Variants in IFT80 observed in about 807,000 individuals in gnomAD.
The protein encoded by IFT80 is intraflagellar transport 80.
A neutral mutation model predicts 107.9 loss-of-function variants in IFT80; 79 were observed. The ratio of observed to expected loss-of-function variants is 0.73; its 90% confidence interval spans 0.61 to 0.88. The LOEUF is 0.88. IFT80 is among the 40% of genes least tolerant of loss of function. IFT80 has a pLI of 0.00. For synonymous variants in IFT80, 299 were observed against 300.9 expected, an observed-to-expected ratio of 0.99 and a Z score of 0.07; for missense variants, 797 against 914.2, an observed-to-expected ratio of 0.87 and a Z score of 1.65.
intron 1 of IFT80, among the ~76,000 whole-genome samples, chr3:160,388,483 T>A (rs1479795283): frequency 6.6e-6 from 1 of 151,070 alleles, no homozygotes; most frequent in Non-Finnish European, 1.5e-5. Context: ...CTAAGGAAAA[T>A]ACATCATGAC....
chr3:160,258,480 G>T lies in IFT80; in HGVS notation c.*45C>A. ...AAACATGCTTACCCTTGGTTAATCA[G>T]AACGTGTTTCAAAAGATAAAATTTC... is the stretch of plus-strand genomic sequence containing the variant. On this transcript the variant is annotated 3_prime_UTR_variant, in exon 20 of 20. Transcript: ENST00000326448. 6.2e-7 allele frequency: 1 copy of T among 1,611,974 alleles called. No individual in the cohort carries two copies. Among genetic ancestry groups the T allele is most frequent in the Non-Finnish European group, 8.5e-7 (1 of 1,179,446 alleles).
intron 9 of IFT80, among the ~76,000 whole-genome samples, chr3:160,310,326 T>G (rs1391166039): frequency 6.6e-6 from 1 of 152,116 alleles, no homozygotes; most frequent in Non-Finnish European, 1.5e-5. Context: ...CCACGATGGG[T>G]TGAAACACAC....
At position 160,268,398 on chromosome 3, in the gene IFT80, T is replaced by C. The variant is rs769856006; in HGVS notation, c.2223+15A>G. The C allele has an allele frequency of 1.1e-5, 17 of 1,603,226 alleles. No homozygotes were observed. In the Middle Eastern group the frequency reaches 5.0e-4, roughly 47 times the overall value. On this transcript the variant is annotated intron_variant, in intron 19 of 19. Coordinates refer to ENST00000326448, the MANE Select transcript of IFT80 (RefSeq NM_020800.3). ...AAAGCATATGTATTATTATACAAAATTGTGAAATACTTACACCTTCTGCAT... is the reference window on the plus strand; with the variant it reads ...AAAGCATATGTATTATTATACAAAACTGTGAAATACTTACACCTTCTGCAT...
At chr3:160,360,333 C>T (rs372171167) in intron 6 of IFT80, among the ~76,000 whole-genome samples, 1 of 152,128 alleles carries the variant, frequency 6.6e-6, no homozygotes, top group Non-Finnish European at 1.5e-5. Context: ...ACGAACAAAG[C>T]CTCCAAGAAA....
chr3:160,370,316 A>G (rs1722145226), intron 5 of IFT80, among the ~76,000 whole-genome samples: 1 of 152,110 alleles, frequency 6.6e-6, no homozygotes, highest in South Asian at 2.1e-4. Context: ...AACTACTACA[A>G]ATTATTTTGT....
chr3:160,274,136 T>C (rs1365908839), intron 18 of IFT80, among the ~76,000 whole-genome samples: 2 of 151,844 alleles, frequency 1.3e-5, no homozygotes, highest in African/African-American at 4.8e-5. Context: ...TAGAGACACA[T>C]GATATAAGCC....
chr3:160,373,906 T>C (rs1208139360), intron 5 of IFT80, among the ~76,000 whole-genome samples: 1 of 152,186 alleles, frequency 6.6e-6, no homozygotes, highest in Non-Finnish European at 1.5e-5. Context: ...CATCTCCTGC[T>C]GTACTGCCCA....
intron 10 of IFT80, among the ~76,000 whole-genome samples, chr3:160,304,976 T>A (rs1474237325): frequency 6.6e-6 from 1 of 152,170 alleles, no homozygotes; most frequent in Non-Finnish European, 1.5e-5. Context: ...AAATACTATA[T>A]AAATGTAAGC....
At chr3:160,337,189 C>A (rs528494091) in intron 8 of IFT80, among the ~76,000 whole-genome samples, 3 of 152,182 alleles carry the variant, frequency 2.0e-5, no homozygotes, top group Non-Finnish European at 4.4e-5. Flanking sequence ...ATAAAATGCT[C>A]ACAATCAGTC....
intron 10 of IFT80, among the ~76,000 whole-genome samples, chr3:160,305,841 C>T (rs1260209962): frequency 1.3e-5 from 2 of 152,020 alleles, no homozygotes; most frequent in African/African-American, 2.4e-5. Flanking sequence ...TCCCTGCTTT[C>T]CTTTAGTAAC....
chr3:160,383,389 C>T, intron 2 of IFT80: 1 of 819,230 alleles, frequency 1.2e-6, no homozygotes, highest in Non-Finnish European at 1.5e-6. Context: ...TACATCTTCA[C>T]TTAATAGTTA....
Position 160,307,657 on chromosome 3 carries a change from G to A in IFT80, c.1076+6C>T, listed in dbSNP as rs1478232526. ...TCTGAAATTTTAAGAAATGCAAGATGCTTACGAGAACACGTAACATTGAAG... is the reference window on the plus strand; with the variant it reads ...TCTGAAATTTTAAGAAATGCAAGATACTTACGAGAACACGTAACATTGAAG... On this transcript the variant is annotated splice_donor_region_variant and intron_variant, in intron 10 of 19. Transcript: ENST00000326448. 1.5e-6 allele frequency: 2 copies of A among 1,376,722 alleles called. No individual in the cohort carries two copies. Among genetic ancestry groups the A allele is most frequent in the Non-Finnish European group, 2.1e-6 (2 of 964,256 alleles). 85.3% of individuals were successfully genotyped at this position (1,376,722 alleles called of 1,614,324 possible).
intron 14 of IFT80, among the ~76,000 whole-genome samples, chr3:160,281,885 T>C (rs1233280577): frequency 6.6e-6 from 1 of 152,208 alleles, no homozygotes; most frequent in Non-Finnish European, 1.5e-5. Flanking sequence ...TGCCAAAGTA[T>C]AAAACCCCAA....
chr3:160,362,900 C>T (rs1721601444), intron 6 of IFT80, among the ~76,000 whole-genome samples: 1 of 152,192 alleles, frequency 6.6e-6, no homozygotes, highest in African/African-American at 2.4e-5. Context: ...GACAAACCCA[C>T]AGCCAATATC....
At chr3:160,333,446 AAACTT>A (rs1156977463) in intron 8 of IFT80, among the ~76,000 whole-genome samples, 7 of 152,348 alleles carry the variant, frequency 4.6e-5, no homozygotes, top group African/African-American at 7.2e-5. Context: ...TAGTAACACT[AAACTT>A]AAAATAAAAC....
At chr3:160,270,407 C>G (rs1231758168) in intron 18 of IFT80, among the ~76,000 whole-genome samples, 1 of 152,152 alleles carries the variant, frequency 6.6e-6, no homozygotes, top group Non-Finnish European at 1.5e-5. Flanking sequence ...ATATTAAACA[C>G]TTAATATGCA....
intron 9 of IFT80, among the ~76,000 whole-genome samples, chr3:160,316,490 G>C (rs532924153): frequency 1.3e-5 from 2 of 152,286 alleles, no homozygotes; most frequent in African/African-American, 4.8e-5. Flanking sequence ...AAGCCACTAT[G>C]TTTAGGGTTA....
At position 160,319,916 on chromosome 3, in the gene IFT80, G is replaced by A. The variant is rs1033366589; in HGVS notation, c.801C>T (p.Pro267=). ...CAATATTAAATATGCTGCCAGTGTT[G>A]GGTTTTTCTAATGCATATGACCACT... ...KTGWSYALEK[P]NTGSIFNIAW... is the part of the protein sequence containing the mutation. Residue 267 remains proline (P), a synonymous_variant, in exon 9 of 20, where the codon CCC becomes CCT. Transcript: ENST00000326448. The A allele has an allele frequency of 2.5e-6, 4 of 1,611,362 alleles. No individual in the cohort carries two copies. Among genetic ancestry groups the A allele is most frequent in the Admixed American group, 3.3e-5 (2 of 59,732 alleles).
chr3:160,325,620 A>C (rs567482619), intron 8 of IFT80, among the ~76,000 whole-genome samples: 1 of 152,106 alleles, frequency 6.6e-6, no homozygotes, highest in Non-Finnish European at 1.5e-5. Context: ...GGGAGCCAGA[A>C]GCGAATTTTG....
Sources: gnomAD v4.1 joint callset for allele counts (sites outside exome capture counted in the v4.1 genomes callset) on GRCh38, gnomAD v4.1.1 for gene constraint, MANE v1.5 for transcripts, NCBI Gene and HGNC (gene_info 2026-07-23, HGNC 2026-07-21) for gene names.